KLHL35: variants seen among roughly 807,000 people sequenced by gnomAD.
The protein encoded by KLHL35 is kelch-like protein 35.
Under a neutral mutation model 44.0 loss-of-function variants are expected in KLHL35, and 50 were observed. That is an observed-to-expected ratio of 1.14 (90% CI 0.91 to 1.44). KLHL35 has a LOEUF of 1.44. Among genes scored for constraint, KLHL35 ranks in the 40% most tolerant of loss-of-function variants. KLHL35 has a pLI of 0.00. For synonymous variants in KLHL35, 470 were observed against 410.4 expected (o/e 1.15, Z -1.76); for missense variants, 1,049 against 887.8 (o/e 1.18, Z -2.31).
chr11:75,422,854 T>C, intron 6 of KLHL35, 86 bp from the exon 7 acceptor site: 1 of 1,267,856 alleles, frequency 7.9e-7, no homozygotes, highest in East Asian at 2.3e-5. Flanking sequence ...AATAGAACCT[T>C]GACCCACAGA....
In KLHL35 at chr11:75,429,892, T is replaced by C. The variant is rs780647125; in HGVS notation, c.738A>G (p.Leu246=). 25 of 1,514,032 alleles carry C rather than the reference T, an allele frequency of 1.7e-5. No homozygotes were observed. The highest frequency in any genetic ancestry group is 2.9e-5 in the African/African-American group (2 of 69,052). The allele number at this position is 1,514,032 out of a possible 1,614,324, so 93.8% of individuals were successfully genotyped here. The change falls in exon 2 of 7, where the codon CTA becomes CTG. Residue 246 remains leucine (L), a synonymous_variant. Coordinates refer to ENST00000539798, the MANE Select transcript of KLHL35 (RefSeq NM_001039548.3). ...TCTCCAGGAAGTAAGCGGGCGCCAG[T>C]AGCGGCAGGCGCACGTGCTCCAGCA... ...RRLLEHVRLP[L]LAPAYFLEKV...
In KLHL35 at chr11:75,428,572, A is replaced by G; in HGVS notation, c.936T>C (p.Gly312=). 6.2e-7 allele frequency: 1 copy of G among 1,607,828 alleles called. No individual in the cohort carries two copies. Among genetic ancestry groups the G allele is most frequent in the Non-Finnish European group, 8.5e-7 (1 of 1,177,710 alleles). The change falls in exon 3 of 7, where the codon GGT becomes GGC. Residue 312 remains glycine, a synonymous_variant. Coordinates refer to ENST00000539798, the MANE Select transcript of KLHL35 (RefSeq NM_001039548.3). The stretch of plus-strand genomic sequence containing the variant: ...CATCGGCGAAGGGCAGCTTCAGGAG[A>G]CCTTTGCGGTCGCAACCGCCGATGA... The part of the protein sequence containing the change: ...IVVIGGCDRK[G]LLKLPFADAY...
At chr11:75,423,566 T>C (rs1948467541) in intron 6 of KLHL35, 126 bp downstream of exon 6, 24 of 787,680 alleles carry the variant, frequency 3.0e-5, no homozygotes, top group Non-Finnish European at 8.4e-6. Context: ...TCACTATCAC[T>C]GTGAGGATGA....
At chr11:75,427,473 A>G (rs1408941518) in intron 3 of KLHL35, among the ~76,000 whole-genome samples, 2 of 152,196 alleles carry the variant, frequency 1.3e-5, no homozygotes, top group African/African-American at 4.8e-5. Context: ...ATCTTTGTTT[A>G]TTCCTAGTGG....
chr11:75,426,323 G>T, intron 4 of KLHL35, 197 bp downstream of exon 4: 1 of 480,692 alleles, frequency 2.1e-6, no homozygotes, highest in Non-Finnish European at 3.8e-6. Flanking sequence ...CCATACCCTT[G>T]ACCATCAGGC....
At position 75,428,625 on chromosome 11, in the gene KLHL35, A is replaced by C. The variant is rs1274511633; in HGVS notation, c.883T>G (p.Phe295Val). The change falls in exon 3 of 7, where the codon TTC becomes GTC. Residue 295 changes from phenylalanine (F) to valine (V), a missense_variant and splice_region_variant. By Grantham distance (50) the Phe-to-Val change is conservative. Transcript: ENST00000539798. ...ACGATCACTTCAGCTAGGTCCATGA[A>C]TCTGGCGTGCGGATAAGCCCAGTGC... The part of the protein sequence containing the change: ...AGALRTRPRR[F>V]MDLAEVIVVI... The C allele has an allele frequency of 6.3e-7, 1 of 1,580,988 alleles. No individual in the cohort carries two copies. Among genetic ancestry groups the C allele is most frequent in the South Asian group, 1.2e-5 (1 of 86,224 alleles).
At chr11:75,432,693 G>T (rs1210410614) in intron 1 of KLHL35, among the ~76,000 whole-genome samples, 2 of 152,164 alleles carry the variant, frequency 1.3e-5, no homozygotes, top group Non-Finnish European at 2.9e-5. Context: ...GGGCACTCTG[G>T]ACACACAGTG....
intron 4 of KLHL35, 194 bp downstream of exon 4, chr11:75,426,326 C>T (rs1948492212): frequency 2.0e-6 from 1 of 488,278 alleles, no homozygotes; most frequent in Non-Finnish European, 3.7e-6. Flanking sequence ...TACCCTTGAC[C>T]ATCAGGCTGT....
At position 75,429,982 on chromosome 11, in the gene KLHL35, C is replaced by G. The variant is rs914010996; in HGVS notation, c.648G>C (p.Val216=). 6.3e-6 allele frequency: 9 copies of G among 1,423,694 alleles called. No homozygotes were observed. Among genetic ancestry groups the G allele is most frequent in the Non-Finnish European group, 8.2e-6 (9 of 1,094,564 alleles). The allele number at this position is 1,423,694 out of a possible 1,614,324, so 88.2% of individuals were successfully genotyped here. ...PALGVAREEA[V]FEAAMRWVRH... is the part of the protein sequence containing the mutation. The stretch of plus-strand genomic sequence containing the variant: ...GCACCCAGCGCATGGCCGCTTCAAA[C>G]ACGGCCTCCTCGCGCGCCACGCCCA... The change falls in exon 2 of 7, where the codon GTG becomes GTC. Residue 216 remains valine, a synonymous_variant. Transcript: ENST00000539798.
Position 75,429,763 on chromosome 11 carries a change from C to G in KLHL35, c.867G>C (p.Arg289=), listed in dbSNP as rs35356348. The G allele has an allele frequency of 6.7e-7, 1 of 1,483,606 alleles. No individual in the cohort carries two copies. The highest frequency in any genetic ancestry group is 8.9e-7 in the Non-Finnish European group (1 of 1,122,762). The allele number at this position is 1,483,606 out of a possible 1,614,324, so 91.9% of individuals were successfully genotyped here. ...GGCGGCCCTACCTCCGCGGCCGGGT[C>G]CGCAGCGCACCGGCCTCGCGGCCCA... ...FILGREAGAL[R]TRPRRFMDLA... is the part of the protein sequence containing the mutation. Residue 289 remains arginine (R), a synonymous_variant, in exon 2 of 7, where the codon CGG becomes CGC. Coordinates refer to ENST00000539798, the MANE Select transcript of KLHL35 (RefSeq NM_001039548.3).
intron 5 of KLHL35, chr11:75,424,810 G>C (rs1948476580): frequency 6.6e-6 from 1 of 152,322 alleles, no homozygotes; most frequent in African/African-American, 2.4e-5. Flanking sequence ...AACAATAAAA[G>C]ATGAGTAGAC....
chr11:75,425,337 C>T lies in KLHL35; in HGVS notation c.1374+56G>A, dbSNP rs1030089933. 3.4e-6 allele frequency: 5 copies of T among 1,473,174 alleles called. No homozygotes were observed. The South Asian group carries it at 5.2e-5, about 15-fold the overall frequency. 91.3% of individuals were successfully genotyped at this position (1,473,174 alleles called of 1,614,324 possible). A position where few individuals can be genotyped will look rare whatever the true frequency, so the allele number is the denominator to read the frequency against. On this transcript the variant is annotated intron_variant, in intron 5 of 6. Coordinates refer to ENST00000539798, the MANE Select transcript of KLHL35 (RefSeq NM_001039548.3). ...TGGAAACGCCCAATTCTGCGCCTGG[C>T]ACACAGTGGGCACCCCAGCCTTCAA...
intron 3 of KLHL35, among the ~76,000 whole-genome samples, chr11:75,428,236 A>G (rs1160742439): frequency 6.6e-6 from 1 of 152,260 alleles, no homozygotes; most frequent in Non-Finnish European, 1.5e-5. Context: ...GTTCAGAACA[A>G]AAAGTAATCA....
chr11:75,429,543 G>A (rs1215358999), intron 2 of KLHL35, among the ~76,000 whole-genome samples: 1 of 152,276 alleles, frequency 6.6e-6, no homozygotes, highest in Non-Finnish European at 1.5e-5. Flanking sequence ...GCCAAAGAGA[G>A]TGTGCGCAGC....
chr11:75,426,515 C>A lies in KLHL35; in HGVS notation c.1185+5G>T. The stretch of plus-strand genomic sequence containing the variant: ...CCCAGGGCAGCCGCTGCAGCTCGTG[C>A]CTACCTGCCCCTGCACAACTGCCAT... On this transcript the variant is annotated splice_donor_5th_base_variant and intron_variant, in intron 4 of 6. Transcript: ENST00000539798. 2 of 1,573,292 alleles carry A rather than the reference C, an allele frequency of 1.3e-6. No homozygotes were observed. The highest frequency in any genetic ancestry group is 1.7e-6 in the Non-Finnish European group (2 of 1,157,056).
intron 1 of KLHL35, among the ~76,000 whole-genome samples, chr11:75,432,679 C>T (rs1267462981): frequency 6.6e-6 from 1 of 152,154 alleles, no homozygotes; most frequent in African/African-American, 2.4e-5. Context: ...CTGTCTACTG[C>T]GCTGGGCACT....
chr11:75,422,698 C>T lies in KLHL35; in HGVS notation c.1634G>A (p.Ser545Asn), dbSNP rs1220681244. 3 of 1,613,926 alleles carry T rather than the reference C, an allele frequency of 1.9e-6. No individual in the cohort carries two copies. Among genetic ancestry groups the T allele is most frequent in the Non-Finnish European group, 2.5e-6 (3 of 1,179,902 alleles). ...GTCAAAGGTGAAGACCTTATCGGTG[C>T]TTTCTCCGCGATCATCCCGCCCGCC... ...ILGGRDDRGESTDKVFTFDPS... is the reference protein window; with the variant it reads ...ILGGRDDRGENTDKVFTFDPS... The change falls in exon 7 of 7, where the codon AGC (serine) becomes AAC (asparagine). Residue 545 changes from serine (S) to asparagine (N), a missense_variant. Ser to Asn is a conservative substitution (Grantham distance 46). Transcript: ENST00000539798.
At position 75,423,706 on chromosome 11, in the gene KLHL35, G is replaced by A. The variant is rs1465744649; in HGVS notation, c.1549C>T (p.Leu517Phe). 4.3e-6 allele frequency: 7 copies of A among 1,613,590 alleles called. No homozygotes were observed. The highest frequency in any genetic ancestry group is 5.9e-6 in the Non-Finnish European group (7 of 1,179,812). Reference protein sequence around the residue: ...GTDVWGEAAVLPSPVESCGVT... With the variant: ...GTDVWGEAAVFPSPVESCGVT... ...CCTCCACTTACCACAGGGCTGGGGA[G>A]GACAGCTGCCTCCCCCCACACATCT... The change falls in exon 6 of 7, where the codon CTC becomes TTC. Residue 517 changes from leucine (L) to phenylalanine (F), a missense_variant. By Grantham distance (22) the Leu-to-Phe change is conservative. Coordinates refer to ENST00000539798, the MANE Select transcript of KLHL35 (RefSeq NM_001039548.3).
In KLHL35 at chr11:75,429,854, TC is replaced by T; in HGVS notation, c.775del (p.Asp259ThrfsTer40). 6.6e-7 allele frequency: 1 copy of T among 1,516,470 alleles called. No individual in the cohort carries two copies. Among genetic ancestry groups the T allele is most frequent in the Admixed American group, 2.0e-5 (1 of 49,218 alleles). The allele number at this position is 1,516,470 out of a possible 1,614,324, so 93.9% of individuals were successfully genotyped here. On this transcript the variant is annotated frameshift_variant, in exon 2 of 7. Coordinates refer to ENST00000539798, the MANE Select transcript of KLHL35 (RefSeq NM_001039548.3). LOFTEE classifies it high-confidence loss of function. ...PAYFLEKVEADELLQACGECR... is the reference protein window; with the variant it reads ...PAYFLEKVEAXELLQACGECR... ...CTCGCCGCAGGCCTGCAGCAGCTCG[TC>T]CGCCTCCACCTTCTCCAGGAAGTAA...
Sources: allele counts gnomAD v4.1 joint callset (sites outside exome capture counted in the v4.1 genomes callset), GRCh38; gene constraint gnomAD v4.1.1; transcripts MANE v1.5; gene names NCBI Gene and HGNC (gene_info 2026-07-23, HGNC 2026-07-21).